Variants in ZNF678 observed in about 807,000 individuals in gnomAD.
The protein encoded by ZNF678 is zinc finger protein 678.
In ZNF678, 5 loss-of-function variants were observed where a neutral mutation model predicts 3.0. The observed-to-expected ratio is 1.69, with a 90% CI of 0.88 to 3.56. The LOEUF is 3.56. Among genes scored for constraint, ZNF678 ranks in the 30% most tolerant of loss-of-function variants. The pLI, the probability that ZNF678 is intolerant of heterozygous loss-of-function variation, is 0.00. For synonymous variants in ZNF678, 218 were observed against 199.6 expected (o/e 1.09, Z -0.78); for missense variants, 593 against 605.0 (o/e 0.98, Z 0.21).
At chr1:227,579,341 A>C (rs748803732) in intron 1 of ZNF678, among the ~76,000 whole-genome samples, 1 of 152,052 alleles carries the variant, frequency 6.6e-6, no homozygotes, top group African/African-American at 2.4e-5. Context: ...TCTGTGCCCT[A>C]CAAGCACAGA....
chr1:227,637,763 C>T (rs908684819), intron 1 of ZNF678, among the ~76,000 whole-genome samples: 7 of 152,108 alleles, frequency 4.6e-5, no homozygotes, highest in Non-Finnish European at 8.8e-5. Context: ...AACCCAGAGC[C>T]TAAAATATCC....
chr1:227,654,817 T>G lies in ZNF678; in HGVS notation c.567T>G (p.Val189=). ...KPYKCDECDK[V]FNWWSQLTSH... The stretch of plus-strand genomic sequence containing the variant: ...ACAAATGTGATGAATGTGACAAAGT[T>G]TTTAATTGGTGGTCACAACTAACTA... The change falls in exon 4 of 4, where the codon GTT becomes GTG. Residue 189 remains valine (V), a synonymous_variant. Transcript: ENST00000343776. 6.2e-7 allele frequency: 1 copy of G among 1,604,066 alleles called. No individual in the cohort carries two copies. Among genetic ancestry groups the G allele is most frequent in the Non-Finnish European group, 8.5e-7 (1 of 1,177,966 alleles).
intron 1 of ZNF678, among the ~76,000 whole-genome samples, chr1:227,635,515 TTGTGTGTGTGTGTGTGTGTGTGTGTG>T (rs56135481): frequency 1.6e-5 from 2 of 127,936 alleles, no homozygotes; most frequent in Admixed American, 7.9e-5. Flanking sequence ...GGGTGAACAT[TTGTGTGTGTGTGTGTGTGTGTGTGTG>T]TGTGTGTGTG....
intron 1 of ZNF678, 88 bp downstream of exon 1, chr1:227,563,812 A>G (rs1571848613): frequency 1.6e-6 from 2 of 1,220,690 alleles, no homozygotes; most frequent in African/African-American, 1.6e-5. Context: ...CCCGGCTGGC[A>G]CCTGTGGGAT....
chr1:227,663,554 C>T (rs556585581), downstream of ZNF678, among the ~76,000 whole-genome samples: 68 of 152,238 alleles, frequency 4.5e-4, no homozygotes, highest in African/African-American at 1.3e-3. Flanking sequence ...TAAAAATACT[C>T]GTGTGTAAGG....
chr1:227,639,919 T>C (rs886734682), intron 1 of ZNF678, among the ~76,000 whole-genome samples: 5 of 152,188 alleles, frequency 3.3e-5, no homozygotes, highest in African/African-American at 1.2e-4. Context: ...GGAAATGAAC[T>C]GAGTCTTTTG....
At chr1:227,604,613 T>C (rs1657819359) in intron 1 of ZNF678, among the ~76,000 whole-genome samples, 1 of 152,124 alleles carries the variant, frequency 6.6e-6, no homozygotes, top group African/African-American at 2.4e-5. Context: ...GATCTCAAAC[T>C]CCCGGGCTCA....
rs1309472573 is a variant in ZNF678, at chr1:227,648,525, C to T, written c.-37+1855C>T. 5.3e-5 allele frequency among the ~76,000 whole-genome samples: 8 copies of T among 152,230 alleles called. No individual in the cohort carries two copies. The South Asian group carries it at 8.3e-4, about 16-fold the overall frequency. ...AACTGTATTCATAAAATTACACATT[C>T]GATCTTTTAAATTTATTCATCTTAA... is the stretch of plus-strand genomic sequence containing the variant. On this transcript the variant is annotated intron_variant, in intron 2 of 3. Coordinates refer to ENST00000343776, the MANE Select transcript of ZNF678 (RefSeq NM_001367909.1).
At chr1:227,670,480 GT>G (rs1338907946) in intron 5 of ZNF678, among the ~76,000 whole-genome samples, 1 of 152,192 alleles carries the variant, frequency 6.6e-6, no homozygotes, top group African/African-American at 2.4e-5. Flanking sequence ...CTTTACCAGG[GT>G]GGGCTTCAGA....
Position 227,676,058 on chromosome 1 carries a change from T to C in ZNF678, c.227-1121T>C, listed in dbSNP as rs114117932. On this transcript the variant is annotated intron_variant, in intron 5 of 5. Coordinates refer to the ZNF678 transcript ENST00000608949. The stretch of plus-strand genomic sequence containing the variant: ...ATTGGAGACTGGAAATAATCTATCT[T>C]TGACAAAAGTTGGTGCTTGGGACAT... Among the ~76,000 whole-genome samples, 791 of 152,324 alleles carry C rather than the reference T, an allele frequency of 5.2e-3. 8 individuals are homozygous for C. The highest frequency in any genetic ancestry group is 0.018 in the African/African-American group (763 of 41,574).
At chr1:227,677,302 CT>C (rs1246055097) in exon 6 of ZNF678, 2 of 152,212 alleles carry the variant, frequency 1.3e-5, no homozygotes, top group African/African-American at 4.8e-5. Flanking sequence ...GGGAAGCTCC[CT>C]ATCAAGTGCT....
chr1:227,658,809 T>A lies in ZNF678; in HGVS notation c.*2981T>A, dbSNP rs1659323817. The stretch of plus-strand genomic sequence containing the variant: ...TTATAGGATTAAATTACTGAGTTAG[T>A]AATGTTTGTATGAAAGAAATGTTAT... On this transcript the variant is annotated 3_prime_UTR_variant, in exon 4 of 4. Transcript: ENST00000343776. The A allele has an allele frequency of 6.6e-6, 1 of 152,196 alleles. No individual in the cohort carries two copies. The highest frequency in any genetic ancestry group is 2.1e-4 in the South Asian group (1 of 4,828). The allele number at this position is 152,196 out of a possible 1,614,324, so 9.4% of individuals were successfully genotyped here.
At position 227,638,884 on chromosome 1, in the gene ZNF678, A is replaced by G. The variant is rs1658747033; in HGVS notation, c.-163-7660A>G. On this transcript the variant is annotated intron_variant, in intron 1 of 3. Coordinates refer to ENST00000343776, the MANE Select transcript of ZNF678 (RefSeq NM_001367909.1). The surrounding 1 kb of genome is among the most constrained non-coding windows in gnomAD (Gnocchi z 4.2). ...CTTGGGAGGACTGGGTGGGTCCTGA[A>G]AAATTAGGTAAAGCAGAGTAGCTTG... 6.6e-6 allele frequency among the ~76,000 whole-genome samples: 1 copy of G among 152,078 alleles called. No homozygotes were observed. The highest frequency in any genetic ancestry group is 1.5e-5 in the Non-Finnish European group (1 of 68,008).
At chr1:227,607,076 C>T (rs1286969725) in intron 1 of ZNF678, among the ~76,000 whole-genome samples, 3 of 152,148 alleles carry the variant, frequency 2.0e-5, no homozygotes, top group Non-Finnish European at 1.5e-5. Context: ...GCAGAATTAT[C>T]AGTGATGCCA....
chr1:227,667,490 A>G (rs956493437), intron 5 of ZNF678, among the ~76,000 whole-genome samples: 15 of 152,212 alleles, frequency 9.9e-5, no homozygotes, highest in Non-Finnish European at 1.3e-4. Context: ...AGCCACTACA[A>G]TTAAAAGTAG....
At chr1:227,583,594 A>G (rs1657188638) in intron 1 of ZNF678, among the ~76,000 whole-genome samples, 1 of 151,962 alleles carries the variant, frequency 6.6e-6, no homozygotes. Context: ...AAACTGTTAC[A>G]TTTATGGCTA....
intron 1 of ZNF678, among the ~76,000 whole-genome samples, chr1:227,634,127 A>G (rs1243971436): frequency 3.3e-5 from 5 of 152,222 alleles, no homozygotes. Flanking sequence ...CCGCTGGGCC[A>G]GAGGGAAACC....
intron 1 of ZNF678, chr1:227,582,487 A>T (rs200639654): frequency 1.1e-4 from 12 of 111,774 alleles, no homozygotes; most frequent in South Asian, 5.5e-4. Context: ...TGCCCAGCTA[A>T]TTTTTTTTTT....
At chr1:227,600,342 G>C (rs1269467893) in intron 1 of ZNF678, among the ~76,000 whole-genome samples, 2 of 152,126 alleles carry the variant, frequency 1.3e-5, no homozygotes, top group African/African-American at 4.8e-5. Flanking sequence ...GGGATTGCTG[G>C]GTCAAATGGC....
Sources: allele counts gnomAD v4.1 joint callset (sites outside exome capture counted in the v4.1 genomes callset), GRCh38; gene constraint gnomAD v4.1.1; non-coding constraint Gnocchi (gnomAD v3.1); transcripts MANE v1.5; gene names NCBI Gene and HGNC (gene_info 2026-07-23, HGNC 2026-07-21).